The following MAOB variants were observed in gnomAD, a reference collection of about 807,000 sequenced individuals.
The protein encoded by MAOB is monoamine oxidase B.
In MAOB, 15 loss-of-function variants were observed where a neutral mutation model predicts 41.9. The ratio of observed to expected loss-of-function variants is 0.36; its 90% CI spans 0.24 to 0.55. The LOEUF is 0.55. MAOB is among the 20% of genes least tolerant of loss of function. The pLI, the probability that MAOB is intolerant of heterozygous loss-of-function variation, is 0.86. For synonymous variants in MAOB, 167 were observed against 144.2 expected, an observed-to-expected ratio of 1.16 and a Z score of -1.13; for missense variants, 345 against 398.7, an observed-to-expected ratio of 0.87 and a Z score of 1.15.
At chrX:43,771,535 G>A (rs772756833) in intron 12 of MAOB, among the ~76,000 whole-genome samples, 2 of 111,259 alleles carry the variant, frequency 1.8e-5, no homozygotes, top group East Asian at 2.9e-4. Context: ...AATATATAGA[G>A]AGCCTAAGGG....
chrX:43,784,747 C>T (rs967331219), intron 8 of MAOB, among the ~76,000 whole-genome samples: 1 of 112,203 alleles, frequency 8.9e-6, no homozygotes, highest in Non-Finnish European at 1.9e-5. Context: ...ATAGAGACAG[C>T]CTGTCCTTTG....
Position 43,882,310 on chromosome X carries a change from C to T in MAOB, c.-11G>A, listed in dbSNP as rs2035478586. 1 of 1,203,526 alleles carries T rather than the reference C, an allele frequency of 8.3e-7. No homozygotes were observed. The highest frequency in any genetic ancestry group is 1.1e-6 in the Non-Finnish European group (1 of 892,325). ...GCATTTGTTGCTCATGGCGCTCGCC[C>T]CGTTCCAGGCCTCCCTGGTGCCCGC... On this transcript the variant is annotated 5_prime_UTR_variant, in exon 1 of 15. Transcript: ENST00000378069.
At chrX:43,773,462 C>T (rs1191791163) in intron 12 of MAOB, among the ~76,000 whole-genome samples, 1 of 112,743 alleles carries the variant, frequency 8.9e-6, no homozygotes, top group African/African-American at 3.2e-5. Context: ...GGAGGCTGTC[C>T]TTGGTATTGA....
chrX:43,827,410 A>G (rs2034962197), intron 3 of MAOB, among the ~76,000 whole-genome samples: 1 of 111,412 alleles, frequency 9.0e-6, no homozygotes, highest in Non-Finnish European at 1.9e-5. Context: ...GGAGGGTTGG[A>G]AGGTTGGATT....
chrX:43,845,094 C>T (rs1160795843), intron 1 of MAOB, among the ~76,000 whole-genome samples: 1 of 111,824 alleles, frequency 8.9e-6, no homozygotes, highest in Non-Finnish European at 1.9e-5. Context: ...GGTACTAATC[C>T]ATCCTGGATG....
intron 11 of MAOB, among the ~76,000 whole-genome samples, 168 bp downstream of exon 11, chrX:43,778,514 C>A (rs1249520538): frequency 1.8e-5 from 2 of 112,009 alleles, no homozygotes; most frequent in Non-Finnish European, 3.8e-5. Flanking sequence ...AGGGCCCACA[C>A]TCTCTGGAAC....
At position 43,843,357 on chromosome X, in the gene MAOB, T is replaced by TCACA. The variant is rs61018201; in HGVS notation, c.141+309_141+312dup. On this transcript the variant is annotated intron_variant, in intron 2 of 14. Coordinates refer to ENST00000378069, the MANE Select transcript of MAOB (RefSeq NM_000898.5). ...TTTTCTTCCTATTTCTCTCTCTGTC[T>TCACA]CACACACACACACACACACACACAC... Among the ~76,000 whole-genome samples the TCACA allele has an allele frequency of 5.2e-3, 435 of 83,716 alleles. 1 individual carries two copies. The highest frequency in any genetic ancestry group is 0.018 in the Middle Eastern group (3 of 164). The allele number at this position is 83,716 out of a possible 115,157, so 72.7% of individuals were successfully genotyped here. A position where few individuals can be genotyped will look rare whatever the true frequency, so the allele number is the denominator to read the frequency against.
chrX:43,865,440 TG>T (rs1395063187), intron 1 of MAOB, among the ~76,000 whole-genome samples: 1 of 111,939 alleles, frequency 8.9e-6, no homozygotes, highest in Admixed American at 9.5e-5. Context: ...TGCTAAGGGA[TG>T]TGGAGTTTTC....
intron 4 of MAOB, 105 bp downstream of exon 4, chrX:43,803,195 A>G: frequency 1.5e-6 from 1 of 648,970 alleles, no homozygotes; most frequent in Non-Finnish European, 2.2e-6. Context: ...TTTAGTTACC[A>G]TGTGTTCACA....
intron 1 of MAOB, among the ~76,000 whole-genome samples, chrX:43,872,161 T>G (rs907709908): frequency 2.7e-5 from 3 of 112,113 alleles, no homozygotes; most frequent in Non-Finnish European, 5.6e-5. Context: ...CCAATAAATT[T>G]AAAAGTACTA....
chrX:43,873,910 C>T (rs985911575), intron 1 of MAOB, among the ~76,000 whole-genome samples: 1 of 111,309 alleles, frequency 9.0e-6, no homozygotes, highest in South Asian at 3.8e-4. Flanking sequence ...CTCCTGACCT[C>T]GCGATCCGCC....
At chrX:43,797,942 T>C (rs774655045) in intron 5 of MAOB, among the ~76,000 whole-genome samples, 2 of 112,206 alleles carry the variant, frequency 1.8e-5, no homozygotes, top group East Asian at 5.6e-4. Flanking sequence ...ACACCATGGC[T>C]TCCAGAGCCC....
intron 1 of MAOB, among the ~76,000 whole-genome samples, chrX:43,871,454 C>T (rs942242350): frequency 3.7e-5 from 4 of 108,467 alleles, no homozygotes; most frequent in Admixed American, 9.9e-5. Flanking sequence ...TTCAGGGCCT[C>T]TGAGGCCCTT....
intron 3 of MAOB, 86 bp downstream of exon 3, chrX:43,838,782 G>A (rs767030245): frequency 3.4e-5 from 31 of 899,631 alleles, no homozygotes; most frequent in Non-Finnish European, 4.5e-5. Context: ...AGATATAGAA[G>A]ATTCTCTGAG....
Position 43,833,397 on chromosome X carries a change from T to C in MAOB, c.279+5471A>G, listed in dbSNP as rs2238969. On this transcript the variant is annotated intron_variant, in intron 3 of 14. Coordinates refer to ENST00000378069, the MANE Select transcript of MAOB (RefSeq NM_000898.5). ...GCAGGCTGCTGCTCTGCAGAGGACA[T>C]GGTAAGGCAGGCTAACACATTTCAG... Among the ~76,000 whole-genome samples the C allele has an allele frequency of 0.016, 1,804 of 111,126 alleles. 53 individuals carry two copies. In the South Asian group the frequency reaches 0.17, roughly 11 times the overall value.
intron 1 of MAOB, chrX:43,850,484 C>CT: frequency 1.3e-6 from 1 of 753,633 alleles, no homozygotes; most frequent in Non-Finnish European, 1.6e-6. Flanking sequence ...TAAGTTCAAA[C>CT]TGGCTTGTCT....
In MAOB at chrX:43,802,809, T is replaced by C. The variant is rs548446615; in HGVS notation, c.384+491A>G. ...TGGGGGGCAAGGGGAGGGAGAGCATTAGGACAAATACCTAATGCATGTGGG... is the reference window on the plus strand; with the variant it reads ...TGGGGGGCAAGGGGAGGGAGAGCATCAGGACAAATACCTAATGCATGTGGG... On this transcript the variant is annotated intron_variant, in intron 4 of 14. Coordinates refer to ENST00000378069, the MANE Select transcript of MAOB (RefSeq NM_000898.5). Among the ~76,000 whole-genome samples the C allele has an allele frequency of 5.0e-3, 553 of 109,894 alleles. 2 individuals are homozygous for C. Among genetic ancestry groups the C allele is most frequent in the South Asian group, 0.016 (39 of 2,487 alleles).
At chrX:43,857,110 TATATATAG>T (rs1413462208) in intron 1 of MAOB, among the ~76,000 whole-genome samples, 13 of 19,816 alleles carry the variant, frequency 6.6e-4, no homozygotes, top group African/African-American at 1.9e-3. Context: ...TATATATATA[TATATATAG>T]AGAGAGAGAG....
chrX:43,833,007 G>A (rs2035035258), intron 3 of MAOB, among the ~76,000 whole-genome samples: 1 of 110,760 alleles, frequency 9.0e-6, no homozygotes, highest in African/African-American at 3.3e-5. Context: ...AAGAAAGGCG[G>A]GCCAGGTGGG....
Sources: allele counts gnomAD v4.1 joint callset (sites outside exome capture counted in the v4.1 genomes callset), GRCh38; gene constraint gnomAD v4.1.1; transcripts MANE v1.5; gene names NCBI Gene and HGNC (gene_info 2026-07-23, HGNC 2026-07-21).